SNAP25: variants seen among roughly 807,000 people sequenced by gnomAD.
SNAP25 encodes the protein synaptosome associated protein 25.
SNAP25 carries 3 observed loss-of-function variants against 28.7 expected under a neutral mutation model. The observed-to-expected ratio is 0.10, with a 90% CI of 0.05 to 0.27. SNAP25 has a LOEUF of 0.27. Among genes scored for constraint, SNAP25 ranks in the 10% least tolerant of loss-of-function variants. The pLI is 1.00. For synonymous variants in SNAP25, 61 were observed against 88.1 expected, an observed-to-expected ratio of 0.69 and a Z score of 1.72; for missense variants, 117 against 278.7, an observed-to-expected ratio of 0.42 and a Z score of 4.13.
chr20:10,252,304 C>G (rs2063244241), intron 1 of SNAP25, among the ~76,000 whole-genome samples: 1 of 152,126 alleles, frequency 6.6e-6, no homozygotes, highest in South Asian at 2.1e-4. Context: ...TATGGTCAGT[C>G]AGGAAAGGGA....
At chr20:10,231,013 G>A (rs574609644) in intron 1 of SNAP25, among the ~76,000 whole-genome samples, 3 of 152,122 alleles carry the variant, frequency 2.0e-5, no homozygotes, top group Admixed American at 6.5e-5. Context: ...CAAATAATAG[G>A]ACATCTCCTT....
At chr20:10,283,461 C>G (rs2063816211) in intron 3 of SNAP25, among the ~76,000 whole-genome samples, 1 of 152,196 alleles carries the variant, frequency 6.6e-6, no homozygotes, top group Admixed American at 6.5e-5. Flanking sequence ...TACATCCTGA[C>G]TTTGCCACTA....
chr20:10,282,298 C>G (rs2063796168), intron 3 of SNAP25, among the ~76,000 whole-genome samples: 1 of 152,154 alleles, frequency 6.6e-6, no homozygotes, highest in South Asian at 2.1e-4. Flanking sequence ...TTCAATCTTA[C>G]TCGGCATCCC....
chr20:10,248,685 G>A (rs1224400644), intron 1 of SNAP25, among the ~76,000 whole-genome samples: 1 of 152,198 alleles, frequency 6.6e-6, no homozygotes, highest in Non-Finnish European at 1.5e-5. Flanking sequence ...AAGTAGTAGA[G>A]CCAGCATTCA....
chr20:10,262,580 C>T (rs1013444970), intron 1 of SNAP25, among the ~76,000 whole-genome samples: 3 of 125,680 alleles, frequency 2.4e-5, no homozygotes, highest in Admixed American at 8.1e-5. Context: ...GCTATCCATA[C>T]GTGATAAAAA....
intron 1 of SNAP25, among the ~76,000 whole-genome samples, chr20:10,244,168 A>G (rs1180051800): frequency 6.6e-6 from 1 of 152,226 alleles, no homozygotes; most frequent in Non-Finnish European, 1.5e-5. Context: ...TGGTGCAAAC[A>G]TTCAACAAAT....
At chr20:10,245,901 C>T (rs2063118685) in intron 1 of SNAP25, among the ~76,000 whole-genome samples, 1 of 152,216 alleles carries the variant, frequency 6.6e-6, no homozygotes, top group Non-Finnish European at 1.5e-5. Flanking sequence ...TATCTTTCTA[C>T]CTCCAAAATT....
At chr20:10,258,871 T>C (rs576307830) in intron 1 of SNAP25, among the ~76,000 whole-genome samples, 115 of 152,352 alleles carry the variant, frequency 7.5e-4, no homozygotes, top group Admixed American at 2.9e-3. Flanking sequence ...TTCTATTTTT[T>C]GTTACCCCTC....
At chr20:10,303,596 G>A (rs1356470748) in intron 7 of SNAP25, among the ~76,000 whole-genome samples, 3 of 152,146 alleles carry the variant, frequency 2.0e-5, no homozygotes, top group African/African-American at 4.8e-5. Flanking sequence ...CTGGTTGAGA[G>A]AAAAACAGTT....
chr20:10,305,800 T>C (rs529320617), intron 7 of SNAP25, among the ~76,000 whole-genome samples: 10 of 152,220 alleles, frequency 6.6e-5, no homozygotes, highest in South Asian at 4.1e-4. Flanking sequence ...ACAGAAGTCA[T>C]TGAGTGTCTT....
chr20:10,272,016 A>G lies in SNAP25; in HGVS notation c.-63-3413A>G, dbSNP rs6039802. Among the ~76,000 whole-genome samples, 155 of 152,146 alleles carry G rather than the reference A, an allele frequency of 1.0e-3. 1 individual carries two copies. Among genetic ancestry groups the G allele is most frequent in the African/African-American group, 3.5e-3 (144 of 41,506 alleles). On this transcript the variant is annotated intron_variant, in intron 1 of 7. Transcript: ENST00000254976. ...CTCCTGTGAGAGGTGCTGCTTGGAGACTGGAGGCTCAGGCACTCTGCTGGT... is the reference window on the plus strand; with the variant it reads ...CTCCTGTGAGAGGTGCTGCTTGGAGGCTGGAGGCTCAGGCACTCTGCTGGT...
intron 1 of SNAP25, among the ~76,000 whole-genome samples, chr20:10,240,055 G>T (rs535161878): frequency 6.6e-6 from 1 of 152,230 alleles, no homozygotes; most frequent in South Asian, 2.1e-4. Context: ...GTCTCCCAAG[G>T]CTGCTGTGCA....
Position 10,293,756 on chromosome 20 carries a change from C to A in SNAP25, c.281+478C>A, listed in dbSNP as rs761687939. On this transcript the variant is annotated intron_variant, in intron 5 of 7. Transcript: ENST00000254976. The surrounding 1 kb of genome is among the most constrained non-coding windows in gnomAD (Gnocchi z 5.6). ...TAAATTAGAGAATATGACAGAGATT[C>A]TCCCTTTCTACTGCCCACCAGTTGC... Among the ~76,000 whole-genome samples, 13 of 152,148 alleles carry A rather than the reference C, an allele frequency of 8.5e-5. No homozygotes were observed. Among genetic ancestry groups the A allele is most frequent in the Admixed American group, 4.6e-4 (7 of 15,278 alleles).
At chr20:10,296,901 T>G in intron 5 of SNAP25, 24 bp from the exon 6 acceptor site, 2 of 1,613,816 alleles carry the variant, frequency 1.2e-6, no homozygotes, top group Non-Finnish European at 1.7e-6. Context: ...CTGTGCCTTG[T>G]CACTCACCCT....
At chr20:10,301,641 A>C (rs2123175143) in intron 7 of SNAP25, among the ~76,000 whole-genome samples, 1 of 152,040 alleles carries the variant, frequency 6.6e-6, no homozygotes, top group Admixed American at 6.6e-5. Context: ...TTTCTCTCAT[A>C]ATCTCTCATG....
Position 10,275,490 on chromosome 20 carries a change from C to T in SNAP25, c.-2C>T. 1 of 1,603,240 alleles carries T rather than the reference C, an allele frequency of 6.2e-7. No individual in the cohort carries two copies. On this transcript the variant is annotated 5_prime_UTR_variant, in exon 2 of 8. Coordinates refer to ENST00000254976, the MANE Select transcript of SNAP25 (RefSeq NM_130811.4). ...GGCGCCCAGCCACTCCCCACCGCTACCATGGCCGAAGACGCAGACATGCGC... is the reference window on the plus strand; with the variant it reads ...GGCGCCCAGCCACTCCCCACCGCTATCATGGCCGAAGACGCAGACATGCGC...
intron 1 of SNAP25, chr20:10,231,502 T>A (rs1255989876): frequency 6.6e-6 from 1 of 152,346 alleles, no homozygotes; most frequent in African/African-American, 2.4e-5. Context: ...CCTCCATCTC[T>A]TCCAAATTTT....
chr20:10,256,421 C>G (rs1179385666), intron 1 of SNAP25, among the ~76,000 whole-genome samples: 3 of 151,926 alleles, frequency 2.0e-5, no homozygotes, highest in Non-Finnish European at 4.4e-5. Context: ...TACACTAAAA[C>G]AAATTTTAGC....
chr20:10,229,559 A>G (rs1204924255), intron 1 of SNAP25, among the ~76,000 whole-genome samples: 2 of 152,200 alleles, frequency 1.3e-5, no homozygotes, highest in African/African-American at 4.8e-5. Context: ...AACCCTATAT[A>G]AAGCAATGAC....
Sources: allele counts gnomAD v4.1 joint callset (sites outside exome capture counted in the v4.1 genomes callset), GRCh38; gene constraint gnomAD v4.1.1; non-coding constraint Gnocchi (gnomAD v3.1); transcripts MANE v1.5; gene names NCBI Gene and HGNC (gene_info 2026-07-23, HGNC 2026-07-21).